Variants in WDR70 observed in about 807,000 individuals in gnomAD.
WDR70 encodes WD repeat-containing protein 70.
In WDR70, 53 loss-of-function variants were observed where a neutral mutation model predicts 88.6. That is an observed-to-expected ratio of 0.60 (90% CI 0.48 to 0.75). The LOEUF is 0.75. Ranked by LOEUF, WDR70 falls within the 30% of genes least tolerant of loss-of-function variation. The pLI, the probability that WDR70 is intolerant of heterozygous loss-of-function variation, is 0.00. For synonymous variants in WDR70, 280 were observed against 270.0 expected (o/e 1.04, Z -0.36); for missense variants, 610 against 823.2 (o/e 0.74, Z 3.17).
chr5:37,700,723 A>G (rs574240127), intron 11 of WDR70, among the ~76,000 whole-genome samples: 55 of 152,192 alleles, frequency 3.6e-4, no homozygotes, highest in Non-Finnish European at 6.9e-4. Flanking sequence ...ATCTGCTCTA[A>G]TATCATACTT....
Position 37,627,289 on chromosome 5 carries a change from C to T in WDR70, c.1092+22051C>T, listed in dbSNP as rs78897398. ...TTTTTCTGTAGAGATGAAGTTTCAC[C>T]GTGTTTCCCAGGAAACTTGAGAACG... On this transcript the variant is annotated intron_variant, in intron 10 of 17. Coordinates refer to ENST00000265107, the MANE Select transcript of WDR70 (RefSeq NM_018034.4). 3.5e-3 allele frequency among the ~76,000 whole-genome samples: 534 copies of T among 152,098 alleles called. 1 individual carries two copies. The highest frequency in any genetic ancestry group is 4.8e-3 in the Non-Finnish European group (325 of 67,986).
intron 10 of WDR70, among the ~76,000 whole-genome samples, chr5:37,609,044 A>G (rs1744113097): frequency 6.6e-6 from 1 of 152,222 alleles, no homozygotes; most frequent in Admixed American, 6.5e-5. Context: ...ATAAAATGAG[A>G]TGGTCAGTTT....
intron 8 of WDR70, among the ~76,000 whole-genome samples, chr5:37,488,695 T>A (rs1739971760): frequency 6.6e-6 from 1 of 152,130 alleles, no homozygotes; most frequent in African/African-American, 2.4e-5. Flanking sequence ...TCCCAAATTG[T>A]TTTTCTGGTT....
chr5:37,603,820 T>A (rs750492311), intron 9 of WDR70, among the ~76,000 whole-genome samples: 1 of 152,228 alleles, frequency 6.6e-6, no homozygotes, highest in Non-Finnish European at 1.5e-5. Flanking sequence ...AAAAATATGA[T>A]AGCAATTGCT....
intron 7 of WDR70, among the ~76,000 whole-genome samples, chr5:37,457,661 A>AT (rs1024257663): frequency 6.6e-6 from 1 of 152,000 alleles, no homozygotes; most frequent in South Asian, 2.1e-4. Flanking sequence ...GTTTTCTTGA[A>AT]TTTTTTTTCA....
chr5:37,629,660 A>G (rs1744759010), intron 10 of WDR70, among the ~76,000 whole-genome samples: 2 of 152,042 alleles, frequency 1.3e-5, no homozygotes, highest in Non-Finnish European at 2.9e-5. Flanking sequence ...TCTTGAATTT[A>G]TTACTTATAT....
At chr5:37,647,148 A>G (rs921024056) in intron 10 of WDR70, among the ~76,000 whole-genome samples, 2 of 152,210 alleles carry the variant, frequency 1.3e-5, no homozygotes, top group African/African-American at 4.8e-5. Flanking sequence ...GCTGCTGTTA[A>G]GAGACCCTGA....
intron 6 of WDR70, among the ~76,000 whole-genome samples, 154 bp from the exon 7 acceptor site, chr5:37,443,085 A>G (rs1205785178): frequency 6.6e-6 from 1 of 152,242 alleles, no homozygotes; most frequent in Non-Finnish European, 1.5e-5. Context: ...GAAGGCAACC[A>G]TCCATTCCTG....
At chr5:37,535,671 C>CTA (rs1741644142) in intron 9 of WDR70, among the ~76,000 whole-genome samples, 1 of 152,174 alleles carries the variant, frequency 6.6e-6, no homozygotes, top group Non-Finnish European at 1.5e-5. Context: ...CATTGGGATA[C>CTA]TAGCTCATAA....
chr5:37,551,021 C>T (rs1016620012), intron 9 of WDR70, among the ~76,000 whole-genome samples: 3 of 152,096 alleles, frequency 2.0e-5, no homozygotes, highest in African/African-American at 7.2e-5. Context: ...CTAGTGAAGA[C>T]TGGCTGGGTG....
At position 37,447,392 on chromosome 5, in the gene WDR70, G is replaced by GA. The variant is rs200398311; in HGVS notation, c.686+4020_686+4021insA. Among the ~76,000 whole-genome samples the GA allele has an allele frequency of 1.3e-4, 20 of 151,930 alleles. No homozygotes were observed. The East Asian group carries it at 3.5e-3, about 27-fold the overall frequency. On this transcript the variant is annotated intron_variant, in intron 7 of 17. Coordinates refer to ENST00000265107, the MANE Select transcript of WDR70 (RefSeq NM_018034.4). ...GAAGTCAGTGTGGCGATTCCTCAGGGCCTAGAACTAGAAATACCATTTGAC... is the reference window on the plus strand; with the variant it reads ...GAAGTCAGTGTGGCGATTCCTCAGGGACCTAGAACTAGAAATACCATTTGAC...
Position 37,385,867 on chromosome 5 carries a change from G to A in WDR70, c.175+4182G>A, listed in dbSNP as rs191137788. 5.2e-3 allele frequency among the ~76,000 whole-genome samples: 795 copies of A among 152,038 alleles called. 4 individuals are homozygous for A. Among genetic ancestry groups the A allele is most frequent in the African/African-American group, 0.016 (644 of 41,490 alleles). On this transcript the variant is annotated intron_variant, in intron 3 of 17. Coordinates refer to ENST00000265107, the MANE Select transcript of WDR70 (RefSeq NM_018034.4). Reference sequence around the variant, plus strand: ...CGCCCAGACTGGAGTGCAGTGGTGCGATCTCGACTCACTGCAAGCTCCGCC... The same window carrying A: ...CGCCCAGACTGGAGTGCAGTGGTGCAATCTCGACTCACTGCAAGCTCCGCC...
intron 10 of WDR70, among the ~76,000 whole-genome samples, chr5:37,663,591 C>T (rs192955460): frequency 9.5e-4 from 144 of 152,242 alleles, no homozygotes; most frequent in Middle Eastern, 3.4e-3. Context: ...TTTCAAACTT[C>T]CCCAACTCTT....
intron 12 of WDR70, among the ~76,000 whole-genome samples, chr5:37,701,820 C>T (rs1334734354): frequency 1.3e-5 from 2 of 150,958 alleles, no homozygotes; most frequent in African/African-American, 4.9e-5. Context: ...AGCTCTAATA[C>T]CTTCAAGGCA....
intron 9 of WDR70, among the ~76,000 whole-genome samples, chr5:37,545,350 C>A (rs1741953535): frequency 6.6e-6 from 1 of 152,086 alleles, no homozygotes; most frequent in African/African-American, 2.4e-5. Context: ...TTTTTTGATA[C>A]CCTCATAGAA....
chr5:37,690,042 G>GGCACGAGAAGTTCATGACTCAT (rs1477456362), intron 10 of WDR70, among the ~76,000 whole-genome samples: 1 of 152,174 alleles, frequency 6.6e-6, no homozygotes, highest in East Asian at 1.9e-4. Context: ...TGAAAACCAT[G>GGCACGAGAAGTTCATGACTCAT]GCACGAGAAG....
At chr5:37,697,449 C>T (rs368532045) in intron 10 of WDR70, among the ~76,000 whole-genome samples, 1 of 152,194 alleles carries the variant, frequency 6.6e-6, no homozygotes, top group African/African-American at 2.4e-5. Context: ...CTTACCTTCT[C>T]TGTTCTTTAT....
chr5:37,525,777 C>G (rs1741248093), intron 9 of WDR70, among the ~76,000 whole-genome samples: 1 of 151,968 alleles, frequency 6.6e-6, no homozygotes, highest in African/African-American at 2.4e-5. Context: ...CAAATAGATG[C>G]AATACAAAAA....
intron 3 of WDR70, among the ~76,000 whole-genome samples, chr5:37,383,983 G>A (rs1748517052): frequency 6.6e-6 from 1 of 152,114 alleles, no homozygotes; most frequent in Admixed American, 6.6e-5. Flanking sequence ...TTCATGGCTA[G>A]CATTACTTCG....
Sources: gnomAD v4.1 joint callset for allele counts (sites outside exome capture counted in the v4.1 genomes callset) on GRCh38, gnomAD v4.1.1 for gene constraint, MANE v1.5 for transcripts, NCBI Gene and HGNC (gene_info 2026-07-23, HGNC 2026-07-21) for gene names.